The following ATRNL1 variants were observed in gnomAD, a reference collection of about 807,000 sequenced individuals.
ATRNL1 encodes the protein attractin-like protein 1.
In ATRNL1, 95 loss-of-function variants were observed where a neutral mutation model predicts 182.7. That is an observed-to-expected ratio of 0.52 (90% CI 0.44 to 0.62). The LOEUF is 0.62. ATRNL1 is among the 20% of genes least tolerant of loss of function. The pLI is 0.00. For synonymous variants in ATRNL1, 576 were observed against 568.3 expected, an observed-to-expected ratio of 1.01 and a Z score of -0.19; for missense variants, 1,471 against 1,679.5, an observed-to-expected ratio of 0.88 and a Z score of 2.17.
rs868945749 is a variant in ATRNL1 at position 115,467,233 on chromosome 10, G to T, written c.3477G>T (p.Thr1159=). Residue 1159 remains threonine, a synonymous_variant, in exon 23 of 29, where the codon ACG becomes ACT. Coordinates refer to ENST00000355044, the MANE Select transcript of ATRNL1 (RefSeq NM_207303.4). ...NASNNFNLNI[T]WSVGSTAGTI... Reference sequence around the variant, plus strand: ...CAAACAACTTTAATCTCAACATTACGTGGTCTGTCGGTTCAACAGGTAAAA... The same window carrying T: ...CAAACAACTTTAATCTCAACATTACTTGGTCTGTCGGTTCAACAGGTAAAA... 6.2e-7 allele frequency: 1 copy of T among 1,602,322 alleles called. No homozygotes were observed. Among genetic ancestry groups the T allele is most frequent in the African/African-American group, 1.3e-5 (1 of 74,184 alleles).
intron 5 of ATRNL1, among the ~76,000 whole-genome samples, 163 bp from the exon 6 acceptor site, chr10:115,159,877 T>G (rs1397108778): frequency 3.3e-5 from 5 of 151,854 alleles, no homozygotes; most frequent in African/African-American, 1.2e-4. Flanking sequence ...CATTACATTT[T>G]CTGTGAGTAT....
At chr10:115,212,352 T>C (rs1849062806) in intron 8 of ATRNL1, among the ~76,000 whole-genome samples, 1 of 151,744 alleles carries the variant, frequency 6.6e-6, no homozygotes, top group South Asian at 2.1e-4. Context: ...TAATTTGTAA[T>C]AGTAGTGAGG....
At chr10:115,639,304 A>T (rs117801032) in intron 26 of ATRNL1, among the ~76,000 whole-genome samples, 205 of 152,342 alleles carry the variant, frequency 1.3e-3, no homozygotes, top group Admixed American at 3.2e-3. Flanking sequence ...ACTATCCTTC[A>T]TGAATGAAAG....
Position 115,717,548 on chromosome 10 carries a change from C to CTTTTTTTTTTTTTTT in ATRNL1, c.3796-9693_3796-9679dup, listed in dbSNP as rs61386440. On this transcript the variant is annotated intron_variant, in intron 26 of 28. Coordinates refer to ENST00000355044, the MANE Select transcript of ATRNL1 (RefSeq NM_207303.4). The stretch of plus-strand genomic sequence containing the variant: ...TGATTTTCCCGCTGCCTGAAATGTT[C>CTTTTTTTTTTTTTTT]TTTTTTTTTTTTTTTTTTTTTGAGA... 2.0e-3 allele frequency among the ~76,000 whole-genome samples: 168 copies of CTTTTTTTTTTTTTTT among 84,340 alleles called. 20 individuals are homozygous for CTTTTTTTTTTTTTTT. Among genetic ancestry groups the CTTTTTTTTTTTTTTT allele is most frequent in the East Asian group, 5.0e-3 (12 of 2,386 alleles). 55.3% of individuals were successfully genotyped at this position (84,340 alleles called of 152,430 possible).
rs150359015 is a variant in ATRNL1 at position 115,920,941 on chromosome 10, T to C, written c.4019-23717T>C. Among the ~76,000 whole-genome samples the C allele has an allele frequency of 3.2e-3, 494 of 152,348 alleles. 3 individuals are homozygous for C. The highest frequency in any genetic ancestry group is 4.7e-3 in the Admixed American group (72 of 15,296). On this transcript the variant is annotated intron_variant, in intron 28 of 28. Transcript: ENST00000355044. The stretch of plus-strand genomic sequence containing the variant: ...AAGACATTTAAATGGAAATTATCTG[T>C]GAACTAAAATGAGAAGTTAGAAATA...
intron 25 of ATRNL1, among the ~76,000 whole-genome samples, chr10:115,549,104 G>A (rs1370291339): frequency 6.6e-6 from 1 of 151,690 alleles, no homozygotes; most frequent in Non-Finnish European, 1.5e-5. Flanking sequence ...TGTGACGTTT[G>A]GATTTATAAA....
At chr10:115,530,195 A>G (rs1650208976) in intron 25 of ATRNL1, among the ~76,000 whole-genome samples, 1 of 151,980 alleles carries the variant, frequency 6.6e-6, no homozygotes, top group Non-Finnish European at 1.5e-5. Context: ...TTTGTGTGTA[A>G]GTTTTTATGT....
intron 25 of ATRNL1, among the ~76,000 whole-genome samples, chr10:115,527,644 T>G (rs1851292740): frequency 6.6e-6 from 1 of 152,194 alleles, no homozygotes. Flanking sequence ...GTAATTGGCT[T>G]TTTAATGGAA....
chr10:115,363,644 G>A (rs1292220702), intron 19 of ATRNL1, among the ~76,000 whole-genome samples: 37 of 151,824 alleles, frequency 2.4e-4, no homozygotes, highest in Admixed American at 2.2e-3. Flanking sequence ...GGGTTTTTAT[G>A]GTTTTAGGTC....
intron 27 of ATRNL1, among the ~76,000 whole-genome samples, chr10:115,826,685 C>T (rs1565414155): frequency 6.6e-6 from 1 of 152,160 alleles, no homozygotes. Flanking sequence ...GAAAAGCTCT[C>T]GACAGTGAGT....
At position 115,300,337 on chromosome 10, in the gene ATRNL1, T is replaced by C; in HGVS notation, c.2629+90T>C. The C allele has an allele frequency of 3.0e-6, 3 of 984,652 alleles. No homozygotes were observed. The South Asian group carries it at 6.1e-5, about 20-fold the overall frequency. The allele number at this position is 984,652 out of a possible 1,614,324, so 61.0% of individuals were successfully genotyped here. On this transcript the variant is annotated intron_variant, in intron 16 of 28. Coordinates refer to ENST00000355044, the MANE Select transcript of ATRNL1 (RefSeq NM_207303.4). ...CCTTCTAGGGTGTAGTCTTATTCTATGATATTTATGTAAATTTTATTTTTA... is the reference window on the plus strand; with the variant it reads ...CCTTCTAGGGTGTAGTCTTATTCTACGATATTTATGTAAATTTTATTTTTA...
At chr10:115,158,030 A>G (rs187130019) in intron 5 of ATRNL1, among the ~76,000 whole-genome samples, 1 of 152,132 alleles carries the variant, frequency 6.6e-6, no homozygotes, top group East Asian at 1.9e-4. Context: ...TTATTTAGAA[A>G]TAATTTTAAA....
intron 28 of ATRNL1, among the ~76,000 whole-genome samples, chr10:115,898,029 G>T (rs1952253032): frequency 6.6e-6 from 1 of 151,956 alleles, no homozygotes; most frequent in Non-Finnish European, 1.5e-5. Context: ...CCGGGTTCAA[G>T]CAATTCTCCT....
intron 28 of ATRNL1, among the ~76,000 whole-genome samples, chr10:115,923,201 A>C (rs1953119901): frequency 6.6e-6 from 1 of 152,214 alleles, no homozygotes; most frequent in Non-Finnish European, 1.5e-5. Context: ...GTAACCCAGT[A>C]ACAAAATATA....
intron 24 of ATRNL1, among the ~76,000 whole-genome samples, chr10:115,509,721 C>A (rs1422428356): frequency 6.6e-6 from 1 of 151,904 alleles, no homozygotes; most frequent in Non-Finnish European, 1.5e-5. Flanking sequence ...TATAGTAATG[C>A]AAGAATGGTC....
intron 8 of ATRNL1, among the ~76,000 whole-genome samples, chr10:115,181,255 G>A (rs1554887788): frequency 6.6e-6 from 1 of 151,818 alleles, no homozygotes; most frequent in East Asian, 1.9e-4. Flanking sequence ...TTAAAAATGG[G>A]AGAAGGGAGA....
chr10:115,276,128 A>C (rs1477829026), intron 13 of ATRNL1, among the ~76,000 whole-genome samples: 2 of 152,058 alleles, frequency 1.3e-5, no homozygotes, highest in African/African-American at 2.4e-5. Context: ...TCTGGTTCAC[A>C]GTAGATGTCT....
chr10:115,682,462 G>T (rs1293241207), intron 26 of ATRNL1, among the ~76,000 whole-genome samples: 5 of 152,044 alleles, frequency 3.3e-5, no homozygotes, highest in Non-Finnish European at 7.4e-5. Flanking sequence ...GCTTAAACCT[G>T]GTTGGGGGAC....
At position 115,256,935 on chromosome 10, in the gene ATRNL1, C is replaced by T. The variant is rs147219756; in HGVS notation, c.1688-8258C>T. Among the ~76,000 whole-genome samples, 237 of 152,190 alleles carry T rather than the reference C, an allele frequency of 1.6e-3. 2 individuals carry two copies. The East Asian group carries it at 0.018, about 12-fold the overall frequency. ...CAAGTTCAGTTTCCATATAGTTGTG[C>T]GGTTTTGAGTGAGTTTCTTAATCTT... is the stretch of plus-strand genomic sequence containing the variant. On this transcript the variant is annotated intron_variant, in intron 10 of 28. Transcript: ENST00000355044.
Sources: gnomAD v4.1 joint callset for allele counts (sites outside exome capture counted in the v4.1 genomes callset) on GRCh38, gnomAD v4.1.1 for gene constraint, MANE v1.5 for transcripts, NCBI Gene and HGNC (gene_info 2026-07-23, HGNC 2026-07-21) for gene names.